LRP1B: variants seen among roughly 807,000 people sequenced by gnomAD.
The protein encoded by LRP1B is low-density lipoprotein receptor-related protein 1B.
Under a neutral mutation model 556.6 loss-of-function variants are expected in LRP1B, and 217 were observed. That is an observed-to-expected ratio of 0.39 (90% CI 0.35 to 0.44). The LOEUF is 0.44. Ranked by LOEUF, LRP1B falls within the 20% of genes least tolerant of loss-of-function variation. The pLI, the probability that LRP1B is intolerant of heterozygous loss-of-function variation, is 1.00. For missense variants in LRP1B, 5,053 were observed against 5,620.8 expected, an observed-to-expected ratio of 0.90 and a Z score of 3.23; for synonymous variants, 2,047 against 1,865.8, an observed-to-expected ratio of 1.10 and a Z score of -2.50.
intron 1 of LRP1B, among the ~76,000 whole-genome samples, chr2:141,819,197 C>T (rs985159006): frequency 1.3e-5 from 2 of 151,682 alleles, no homozygotes; most frequent in Non-Finnish European, 2.9e-5. Flanking sequence ...GAGATCACGC[C>T]ATTGTACTCC....
chr2:141,639,343 T>TACACAC (rs1387785338), intron 2 of LRP1B, among the ~76,000 whole-genome samples: 9 of 63,508 alleles, frequency 1.4e-4, no homozygotes, highest in East Asian at 7.0e-4. Flanking sequence ...TATATATATA[T>TACACAC]ATATATACAC....
chr2:140,265,885 C>T (rs984611615), intron 86 of LRP1B, among the ~76,000 whole-genome samples: 1 of 151,924 alleles, frequency 6.6e-6, no homozygotes, highest in African/African-American at 2.4e-5. Flanking sequence ...ATCATTGACA[C>T]TTTATTTTTA....
intron 35 of LRP1B, among the ~76,000 whole-genome samples, chr2:140,751,275 G>T (rs1015300427): frequency 6.6e-6 from 1 of 152,158 alleles, no homozygotes; most frequent in Non-Finnish European, 1.5e-5. Context: ...TTACAGGCAT[G>T]AGCCACCACG....
intron 41 of LRP1B, among the ~76,000 whole-genome samples, chr2:140,694,590 C>A (rs1686361501): frequency 6.6e-6 from 1 of 152,124 alleles, no homozygotes; most frequent in African/African-American, 2.4e-5. Flanking sequence ...AGAGACATTT[C>A]TTTCTTCATT....
At chr2:140,939,559 G>A (rs1316810759) in intron 20 of LRP1B, among the ~76,000 whole-genome samples, 3 of 148,224 alleles carry the variant, frequency 2.0e-5, no homozygotes, top group African/African-American at 7.4e-5. Flanking sequence ...GTCAATACAT[G>A]CTTACTTTTA....
At chr2:140,527,208 T>C (rs1290962234) in intron 47 of LRP1B, among the ~76,000 whole-genome samples, 2 of 151,952 alleles carry the variant, frequency 1.3e-5, no homozygotes, top group South Asian at 2.1e-4. Flanking sequence ...GATAATCATA[T>C]AGTGGTTTCC....
intron 27 of LRP1B, among the ~76,000 whole-genome samples, chr2:140,863,278 G>A (rs999936792): frequency 6.6e-6 from 1 of 151,984 alleles, no homozygotes; most frequent in Non-Finnish European, 1.5e-5. Context: ...ATGCAAATCT[G>A]TTCTTTTTAC....
chr2:140,381,126 T>C (rs145370838), intron 67 of LRP1B, among the ~76,000 whole-genome samples: 2 of 152,114 alleles, frequency 1.3e-5, no homozygotes, highest in Admixed American at 1.3e-4. Flanking sequence ...TGCCACTAGA[T>C]AGCTCAAAAA....
intron 1 of LRP1B, among the ~76,000 whole-genome samples, chr2:141,889,711 T>C (rs1699226509): frequency 6.6e-6 from 1 of 152,158 alleles, no homozygotes; most frequent in Non-Finnish European, 1.5e-5. Flanking sequence ...CATTATGTTG[T>C]AAAGAAGGCA....
At chr2:141,823,620 G>T (rs1368166624) in intron 1 of LRP1B, among the ~76,000 whole-genome samples, 2 of 152,138 alleles carry the variant, frequency 1.3e-5, no homozygotes, top group African/African-American at 4.8e-5. Context: ...CATGTTAAGA[G>T]AATATTAAAT....
intron 2 of LRP1B, among the ~76,000 whole-genome samples, chr2:141,596,800 A>T (rs1316178234): frequency 6.6e-6 from 1 of 152,048 alleles, no homozygotes; most frequent in African/African-American, 2.4e-5. Flanking sequence ...TGTGATGTTC[A>T]TAATAAGGTA....
At chr2:140,976,190 G>A (rs62175300) in intron 18 of LRP1B, among the ~76,000 whole-genome samples, 1 of 152,114 alleles carries the variant, frequency 6.6e-6, no homozygotes, top group East Asian at 1.9e-4. Flanking sequence ...AAAATGCTGA[G>A]ATAACAGGCA....
At chr2:141,385,691 T>G (rs1395533359) in intron 3 of LRP1B, among the ~76,000 whole-genome samples, 1 of 152,192 alleles carries the variant, frequency 6.6e-6, no homozygotes, top group East Asian at 1.9e-4. Flanking sequence ...TCCTCATTCC[T>G]AGAGGACTCA....
intron 2 of LRP1B, among the ~76,000 whole-genome samples, chr2:141,779,665 A>G (rs1695183835): frequency 6.6e-6 from 1 of 152,094 alleles, no homozygotes; most frequent in Non-Finnish European, 1.5e-5. Flanking sequence ...TGCCAATACT[A>G]CATACTTTTC....
intron 3 of LRP1B, among the ~76,000 whole-genome samples, chr2:141,319,521 C>G (rs890797173): frequency 6.6e-6 from 1 of 151,892 alleles, no homozygotes; most frequent in African/African-American, 2.4e-5. Context: ...GCATGCTGCA[C>G]AGCTATAATG....
chr2:141,897,915 T>C lies in LRP1B; in HGVS notation c.83-87514A>G, dbSNP rs546726091. Among the ~76,000 whole-genome samples the C allele has an allele frequency of 1.4e-4, 22 of 152,262 alleles. No homozygotes were observed. The South Asian group carries it at 4.3e-3, about 30-fold the overall frequency. On this transcript the variant is annotated intron_variant, in intron 1 of 90. Coordinates refer to ENST00000389484, the MANE Select transcript of LRP1B (RefSeq NM_018557.3). ...ACACGTGCACACACTTACATGCATA[T>C]GTATATATACATGAACGACAGTCTG...
At chr2:141,017,414 ATG>A (rs1491354015) in intron 12 of LRP1B, among the ~76,000 whole-genome samples, 2 of 97,444 alleles carry the variant, frequency 2.1e-5, no homozygotes, top group African/African-American at 3.4e-5. Flanking sequence ...TCATGGCAAC[ATG>A]TTTTTTTTTT....
At chr2:141,280,104 T>C (rs534215765) in intron 3 of LRP1B, among the ~76,000 whole-genome samples, 4 of 152,184 alleles carry the variant, frequency 2.6e-5, no homozygotes, top group Admixed American at 2.6e-4. Flanking sequence ...TTAAAAGTAA[T>C]GTTAGGAATC....
chr2:140,728,117 T>C (rs1181633065), intron 35 of LRP1B, among the ~76,000 whole-genome samples: 3 of 151,718 alleles, frequency 2.0e-5, no homozygotes, highest in African/African-American at 7.3e-5. Context: ...GTCTAGCTTT[T>C]GTGTCCTGAA....
Sources: allele counts gnomAD v4.1 joint callset (sites outside exome capture counted in the v4.1 genomes callset), GRCh38; gene constraint gnomAD v4.1.1; transcripts MANE v1.5; gene names NCBI Gene and HGNC (gene_info 2026-07-23, HGNC 2026-07-21).